The following FBXO25 variants were observed in gnomAD, a reference collection of about 807,000 sequenced individuals.
FBXO25 encodes F-box protein 25.
A neutral mutation model predicts 51.9 loss-of-function variants in FBXO25; 45 were observed. The ratio of observed to expected loss-of-function variants is 0.87; its 90% CI spans 0.68 to 1.11. The LOEUF (loss-of-function observed/expected upper bound fraction) is 1.11. Ranked by LOEUF, FBXO25 falls within the 50% of genes most tolerant of loss-of-function variation. FBXO25 has a pLI of 0.00. For missense variants in FBXO25, 507 were observed against 428.5 expected (o/e 1.18, Z -1.62); for synonymous variants, 199 against 151.0 (o/e 1.32, Z -2.33).
At chr8:454,631 C>T (rs1355806702) in intron 7 of FBXO25, among the ~76,000 whole-genome samples, 1 of 152,174 alleles carries the variant, frequency 6.6e-6, no homozygotes, top group Non-Finnish European at 1.5e-5. Context: ...ATGGCTCACG[C>T]CAGTAGTCCC....
chr8:420,709 T>G (rs1797096715), intron 2 of FBXO25, among the ~76,000 whole-genome samples: 1 of 152,202 alleles, frequency 6.6e-6, no homozygotes, highest in Non-Finnish European at 1.5e-5. Context: ...TGATTCTATC[T>G]AAAGGATGCG....
At chr8:431,041 G>C (rs530354537) in intron 2 of FBXO25, among the ~76,000 whole-genome samples, 1 of 152,172 alleles carries the variant, frequency 6.6e-6, no homozygotes, top group South Asian at 2.1e-4. Flanking sequence ...AGTTTTAATA[G>C]TTGTTTTTTA....
Position 407,761 on chromosome 8 carries a change from G to GTGGCTC in FBXO25, c.-8+704_-8+709dup, listed in dbSNP as rs1377804769. ...ACCTTTTTTTCCCTACTCCTGGTCT[G>GTGGCTC]TGGCTCTGGCTCTGTCTCTGTCTCC... On this transcript the variant is annotated intron_variant, in intron 1 of 9. Coordinates refer to ENST00000350302, the MANE Select transcript of FBXO25 (RefSeq NM_183420.2). Among the ~76,000 whole-genome samples, 4 of 152,130 alleles carry GTGGCTC rather than the reference G, an allele frequency of 2.6e-5. No individual in the cohort carries two copies. The East Asian group carries it at 5.8e-4, about 22-fold the overall frequency.
intron 8 of FBXO25, 82 bp from the exon 9 acceptor site, chr8:462,925 A>G: frequency 6.7e-7 from 1 of 1,489,660 alleles, no homozygotes; most frequent in Non-Finnish European, 9.0e-7. Context: ...AAAAACTAAA[A>G]TAAAATGAAA....
intron 6 of FBXO25, among the ~76,000 whole-genome samples, chr8:450,313 T>G (rs545737206): frequency 1.1e-4 from 17 of 151,974 alleles, no homozygotes; most frequent in African/African-American, 4.1e-4. Context: ...TTAGGAAAAA[T>G]AACTAATCAC....
chr8:413,445 A>C (rs1584999184), intron 2 of FBXO25, among the ~76,000 whole-genome samples: 1 of 152,180 alleles, frequency 6.6e-6, no homozygotes, highest in East Asian at 1.9e-4. Flanking sequence ...CCTCACAATA[A>C]TTGGGAGAGA....
intron 4 of FBXO25, chr8:435,374 G>C: frequency 2.0e-6 from 1 of 512,624 alleles, no homozygotes; most frequent in Non-Finnish European, 3.4e-6. Flanking sequence ...ATTTGTCTTT[G>C]TCATTACTTC....
intron 5 of FBXO25, among the ~76,000 whole-genome samples, chr8:445,713 A>G (rs1350332483): frequency 6.6e-6 from 1 of 152,156 alleles, no homozygotes; most frequent in South Asian, 2.1e-4. Flanking sequence ...TTAGCCAGGC[A>G]TACAGAAAAC....
rs1474783475 is a variant in FBXO25 at position 477,101 on chromosome 8, T to TTGTC, written c.*8301_*8304dup. ...ACATAATTGTGTACTTTTCAGTTTTTTGTCTGTTACTGATTTCTAGTTTCA... is the reference window on the plus strand; with the variant it reads ...ACATAATTGTGTACTTTTCAGTTTTTTGTCTGTCTGTTACTGATTTCTAGTTTCA... On this transcript the variant is annotated 3_prime_UTR_variant, in exon 10 of 10. Coordinates refer to ENST00000350302, the MANE Select transcript of FBXO25 (RefSeq NM_183420.2). 3 of 152,272 alleles carry TTGTC rather than the reference T, an allele frequency of 2.0e-5. No homozygotes were observed. The highest frequency in any genetic ancestry group is 1.3e-4 in the Admixed American group (2 of 15,288). The allele number at this position is 152,272 out of a possible 1,614,324, so 9.4% of individuals were successfully genotyped here. A position where few individuals can be genotyped will look rare whatever the true frequency, so the allele number is the denominator to read the frequency against.
At chr8:445,174 C>T (rs1045137417) in intron 5 of FBXO25, among the ~76,000 whole-genome samples, 1 of 152,174 alleles carries the variant, frequency 6.6e-6, no homozygotes, top group South Asian at 2.1e-4. Flanking sequence ...ACCTATGCCT[C>T]GTGATGTCCA....
At chr8:447,425 T>C (rs1255456267) in intron 5 of FBXO25, among the ~76,000 whole-genome samples, 1 of 152,082 alleles carries the variant, frequency 6.6e-6, no homozygotes, top group Non-Finnish European at 1.5e-5. Flanking sequence ...TCTAAGGAAA[T>C]TGTCTGTGAA....
At chr8:415,809 T>A (rs2117448558) in intron 2 of FBXO25, among the ~76,000 whole-genome samples, 1 of 152,324 alleles carries the variant, frequency 6.6e-6, no homozygotes, top group African/African-American at 2.4e-5. Flanking sequence ...ATGATTCCTA[T>A]AAAGGAAAGA....
At chr8:436,758 G>C (rs1376352454) in intron 5 of FBXO25, among the ~76,000 whole-genome samples, 2 of 152,232 alleles carry the variant, frequency 1.3e-5, no homozygotes, top group Non-Finnish European at 2.9e-5. Flanking sequence ...AGAGAGGTCT[G>C]TTTAGCAGTA....
At chr8:407,315 G>C in intron 1 of FBXO25, 1 of 953,954 alleles carries the variant, frequency 1.0e-6, no homozygotes. Context: ...CGGGGTTGTC[G>C]CGGGCGCGTC....
At chr8:418,572 T>G (rs541438822) in intron 2 of FBXO25, among the ~76,000 whole-genome samples, 2 of 152,216 alleles carry the variant, frequency 1.3e-5, no homozygotes, top group South Asian at 2.1e-4. Flanking sequence ...TCTCTTGACC[T>G]CAGGTGATGC....
intron 5 of FBXO25, among the ~76,000 whole-genome samples, chr8:439,295 G>C (rs188198752): frequency 6.6e-6 from 1 of 152,208 alleles, no homozygotes; most frequent in African/African-American, 2.4e-5. Flanking sequence ...CGAACAGCCC[G>C]AGGCTTGGGA....
intron 8 of FBXO25, 37 bp from the exon 9 acceptor site, chr8:462,970 T>C: frequency 6.3e-7 from 1 of 1,583,704 alleles, no homozygotes; most frequent in Non-Finnish European, 8.6e-7. Flanking sequence ...TTGAAAGTCA[T>C]CTTATGCGGA....
chr8:410,402 G>C (rs1471592937), intron 1 of FBXO25, among the ~76,000 whole-genome samples: 1 of 151,678 alleles, frequency 6.6e-6, no homozygotes, highest in Non-Finnish European at 1.5e-5. Context: ...TGGTCTGTTA[G>C]CAATATTTTT....
At chr8:451,599 G>A in intron 7 of FBXO25, 146 bp downstream of exon 7, 1 of 843,184 alleles carries the variant, frequency 1.2e-6, no homozygotes, top group Non-Finnish European at 1.8e-6. Context: ...TTTTAAAATA[G>A]AAAAGGACCA....
Sources: gnomAD v4.1 joint callset for allele counts (sites outside exome capture counted in the v4.1 genomes callset) on GRCh38, gnomAD v4.1.1 for gene constraint, MANE v1.5 for transcripts, NCBI Gene and HGNC (gene_info 2026-07-23, HGNC 2026-07-21) for gene names.